CNIH3: variants seen among roughly 807,000 people sequenced by gnomAD.
CNIH3 encodes the protein protein cornichon homolog 3.
CNIH3 carries 14 observed loss-of-function variants against 24.1 expected under a neutral mutation model. The ratio of observed to expected loss-of-function variants is 0.58; its 90% CI spans 0.38 to 0.91. The LOEUF is 0.91. Among genes scored for constraint, CNIH3 ranks in the 40% least tolerant of loss-of-function variants. The probability of loss-of-function intolerance (pLI) is 0.00; values close to 1 mark genes in which losing one functional copy is unlikely to be tolerated. For synonymous variants in CNIH3, 68 were observed against 73.8 expected, an observed-to-expected ratio of 0.92 and a Z score of 0.40; for missense variants, 178 against 196.8, an observed-to-expected ratio of 0.90 and a Z score of 0.57.
At chr1:224,560,348 A>T (rs1460033406) in intron 3 of CNIH3, among the ~76,000 whole-genome samples, 1 of 152,128 alleles carries the variant, frequency 6.6e-6, no homozygotes, top group Non-Finnish European at 1.5e-5. Context: ...TCAGTAGCAC[A>T]TAGGAACTTC....
At position 224,680,998 on chromosome 1, in the gene CNIH3, C is replaced by T. The variant is rs985767355; in HGVS notation, c.122C>T (p.Pro41Leu). ...FDELRTDFKS[P>L]IDQCNPVHAR... ...GAGTTAAGGACAGATTTTAAGAGCC[C>T]CATAGACCAGTGCAATCCTGTTCAT... The change falls in exon 2 of 6, where the codon CCC becomes CTC. Residue 41 changes from proline (P) to leucine (L), a missense_variant. Physicochemically the swap from Pro to Leu is moderately conservative, Grantham distance 98. Transcript: ENST00000272133. 1.2e-6 allele frequency: 2 copies of T among 1,614,084 alleles called. No individual in the cohort carries two copies. Among genetic ancestry groups the T allele is most frequent in the South Asian group, 2.2e-5 (2 of 91,074 alleles).
intron 1 of CNIH3, among the ~76,000 whole-genome samples, chr1:224,474,726 G>T (rs1049006213): frequency 1.1e-4 from 17 of 151,994 alleles, no homozygotes; most frequent in African/African-American, 3.6e-4. Flanking sequence ...AAGAAAGAAG[G>T]CCCAAATAAG....
chr1:224,529,620 C>T (rs1164712817), intron 2 of CNIH3, among the ~76,000 whole-genome samples: 1 of 152,184 alleles, frequency 6.6e-6, no homozygotes, highest in African/African-American at 2.4e-5. Context: ...TTATGCTGCC[C>T]CTTCCAGGTG....
intron 4 of CNIH3, chr1:224,575,090 C>A (rs1680979583): frequency 1.1e-6 from 1 of 877,970 alleles, no homozygotes; most frequent in Non-Finnish European, 2.0e-6. Flanking sequence ...GCTCCCCCGA[C>A]AGGCCCTGGG....
chr1:224,734,430 C>A, intron 4 of CNIH3, 133 bp from the exon 5 acceptor site: 1 of 827,588 alleles, frequency 1.2e-6, no homozygotes, highest in Non-Finnish European at 1.9e-6. Context: ...GGTGCTTCAA[C>A]TGTGATTTGG....
chr1:224,596,070 C>CTAAACA (rs1339681141), intron 3 of CNIH3, among the ~76,000 whole-genome samples: 1 of 152,192 alleles, frequency 6.6e-6, no homozygotes, highest in Non-Finnish European at 1.5e-5. Flanking sequence ...GGTGGCTACA[C>CTAAACA]TAAACAACAG....
At chr1:224,564,290 C>T (rs957146263) in intron 3 of CNIH3, among the ~76,000 whole-genome samples, 3 of 152,200 alleles carry the variant, frequency 2.0e-5, no homozygotes, top group Non-Finnish European at 4.4e-5. Flanking sequence ...GAAGGTGTCA[C>T]TACCAGTTTG....
At chr1:224,614,241 A>G (rs1053741135), upstream of CNIH3, among the ~76,000 whole-genome samples, 2 of 152,276 alleles carry the variant, frequency 1.3e-5, no homozygotes, top group East Asian at 3.9e-4. Context: ...TTCATTTTGC[A>G]CTTGGCCCTC....
At chr1:224,732,948 G>GA (rs532755912) in intron 4 of CNIH3, among the ~76,000 whole-genome samples, 323 of 151,664 alleles carry the variant, frequency 2.1e-3, no homozygotes, top group African/African-American at 7.4e-3. Context: ...GAACATGAAA[G>GA]AAAAAAAAGA....
intron 3 of CNIH3, among the ~76,000 whole-genome samples, chr1:224,701,828 G>T (rs1399932931): frequency 6.6e-6 from 1 of 152,142 alleles, no homozygotes; most frequent in African/African-American, 2.4e-5. Context: ...CAAAGCTGGG[G>T]TTTAAATCCA....
chr1:224,617,630 T>C (rs893246937), intron 1 of CNIH3, among the ~76,000 whole-genome samples: 4 of 152,240 alleles, frequency 2.6e-5, no homozygotes, highest in Non-Finnish European at 5.9e-5. Context: ...GTCAAGTAGC[T>C]ATAATAACTA....
At chr1:224,499,286 A>G (rs1440048819) in intron 1 of CNIH3, among the ~76,000 whole-genome samples, 2 of 152,188 alleles carry the variant, frequency 1.3e-5, no homozygotes, top group African/African-American at 4.8e-5. Context: ...TCTGCTGTAT[A>G]CACTAAGCTC....
At chr1:224,566,889 T>A (rs1211870267) in intron 4 of CNIH3, among the ~76,000 whole-genome samples, 1 of 152,226 alleles carries the variant, frequency 6.6e-6, no homozygotes, top group Non-Finnish European at 1.5e-5. Context: ...TACCCAGTAA[T>A]GGGATTGCTG....
upstream of CNIH3, chr1:224,615,731 G>C (rs985704250): frequency 2.3e-4 from 35 of 152,268 alleles, no homozygotes; most frequent in African/African-American, 7.0e-4. Flanking sequence ...TCCCAAGGTC[G>C]GATGGCTGGG....
upstream of CNIH3, among the ~76,000 whole-genome samples, chr1:224,514,934 A>G (rs1326543446): frequency 6.6e-6 from 1 of 152,246 alleles, no homozygotes; most frequent in Non-Finnish European, 1.5e-5. Flanking sequence ...AGCCTAGGCC[A>G]GAGAAGTGAC....
intron 1 of CNIH3, among the ~76,000 whole-genome samples, chr1:224,646,545 A>G (rs552542279): frequency 5.4e-4 from 83 of 152,308 alleles, no homozygotes; most frequent in African/African-American, 2.0e-3. Flanking sequence ...AGCTGGGACT[A>G]CAGAGGTGTG....
At chr1:224,657,485 G>T (rs1685153343) in intron 1 of CNIH3, among the ~76,000 whole-genome samples, 1 of 151,982 alleles carries the variant, frequency 6.6e-6, no homozygotes, top group Non-Finnish European at 1.5e-5. Context: ...AATTGTTAAA[G>T]GCTATCAATA....
chr1:224,443,662 T>TATATATAG (rs1675014637), intron 1 of CNIH3, among the ~76,000 whole-genome samples: 2 of 148,892 alleles, frequency 1.3e-5, no homozygotes, highest in African/African-American at 5.0e-5. Flanking sequence ...CAATTATATA[T>TATATATAG]ATAGATAGAT....
At chr1:224,574,642 G>A in intron 4 of CNIH3, 2 of 910,218 alleles carry the variant, frequency 2.2e-6, no homozygotes, top group Non-Finnish European at 3.7e-6. Flanking sequence ...GTGGTGAAGT[G>A]TGAGGAGCTC....
Sources: gnomAD v4.1 joint callset for allele counts (sites outside exome capture counted in the v4.1 genomes callset) on GRCh38, gnomAD v4.1.1 for gene constraint, MANE v1.5 for transcripts, NCBI Gene and HGNC (gene_info 2026-07-23, HGNC 2026-07-21) for gene names.